Variants in ASTN1 observed in about 807,000 individuals in gnomAD.
ASTN1 encodes the protein astrotactin-1.
Under a neutral mutation model 140.7 loss-of-function variants are expected in ASTN1, and 41 were observed. That is an observed-to-expected ratio of 0.29 (90% confidence interval 0.23 to 0.38). The LOEUF (loss-of-function observed/expected upper bound fraction) is 0.38. ASTN1 is among the 10% of genes least tolerant of loss of function. The pLI is 1.00. For synonymous variants in ASTN1, 640 were observed against 652.2 expected (o/e 0.98, Z 0.29); for missense variants, 1,479 against 1,678.8 (o/e 0.88, Z 2.08).
chr1:177,064,463 A>G (rs1425772416), intron 1 of ASTN1, among the ~76,000 whole-genome samples: 1 of 152,208 alleles, frequency 6.6e-6, no homozygotes, highest in Non-Finnish European at 1.5e-5. Context: ...AAGGCTTTTC[A>G]TGAGGAAGAA....
intron 8 of ASTN1, among the ~76,000 whole-genome samples, chr1:177,011,077 C>T (rs971231647): frequency 1.3e-5 from 2 of 152,172 alleles, no homozygotes; most frequent in Non-Finnish European, 2.9e-5. Flanking sequence ...TTACCAGCCT[C>T]TTATCCTCTC....
chr1:177,161,099 C>G (rs566449902), intron 1 of ASTN1, among the ~76,000 whole-genome samples: 4 of 152,204 alleles, frequency 2.6e-5, no homozygotes, highest in Admixed American at 2.0e-4. Flanking sequence ...CTCCTGTTCT[C>G]TACTTGGAAT....
At position 176,949,213 on chromosome 1, in the gene ASTN1, T is replaced by G. The variant is rs774520193; in HGVS notation, c.2026A>C (p.Thr676Pro). The G allele has an allele frequency of 1.2e-6, 2 of 1,613,986 alleles. No homozygotes were observed. ...CAGAACATGAGGATGTTATACAAGG[T>G]GGGGTCGTCCGGGAAGGGCGCCATC... ...QQMAPFPDDPTLYNILMFCGC... is the reference protein window; with the variant it reads ...QQMAPFPDDPPLYNILMFCGC... The change falls in exon 12 of 23, where the codon ACC becomes CCC. Residue 676 changes from threonine to proline, a missense_variant. Around this residue, in one of 3 missense-constraint regions of ASTN1, gnomAD observed 746 missense variants for 800.9 expected, o/e 0.93. Transcript: ENST00000361833.
intron 16 of ASTN1, among the ~76,000 whole-genome samples, chr1:176,901,048 C>T (rs762551485): frequency 5.3e-5 from 8 of 152,162 alleles, no homozygotes; most frequent in Non-Finnish European, 7.3e-5. Flanking sequence ...ACTATATATT[C>T]TGCAGGTACA....
At chr1:176,874,301 C>A (rs1013707788) in intron 21 of ASTN1, among the ~76,000 whole-genome samples, 1 of 152,202 alleles carries the variant, frequency 6.6e-6, no homozygotes, top group African/African-American at 2.4e-5. Flanking sequence ...GAAAGTCATT[C>A]AGTCTATACC....
chr1:177,131,909 T>G (rs1326020322), intron 1 of ASTN1, among the ~76,000 whole-genome samples: 1 of 152,134 alleles, frequency 6.6e-6, no homozygotes, highest in Non-Finnish European at 1.5e-5. Context: ...ACAATCAGCT[T>G]CTGTGGGAAC....
chr1:176,980,123 TG>T (rs1377458644), intron 8 of ASTN1, among the ~76,000 whole-genome samples: 3 of 152,094 alleles, frequency 2.0e-5, no homozygotes, highest in Admixed American at 6.5e-5. Flanking sequence ...AGTGGCTGAC[TG>T]GGGGGCAAAG....
chr1:176,883,368 G>A (rs538950599), intron 19 of ASTN1, among the ~76,000 whole-genome samples: 1 of 152,118 alleles, frequency 6.6e-6, no homozygotes, highest in East Asian at 1.9e-4. Context: ...AAGTAGCTGA[G>A]ATTACAGGCA....
chr1:177,080,254 C>A (rs1558080766), intron 1 of ASTN1, among the ~76,000 whole-genome samples: 3 of 120,624 alleles, frequency 2.5e-5, no homozygotes, highest in Admixed American at 9.2e-5. Context: ...CCTATATCAC[C>A]AGGCCAAAAA....
At position 176,960,819 on chromosome 1, in the gene ASTN1, C is replaced by T. The variant is rs11810902; in HGVS notation, c.1599-2337G>A. Among the ~76,000 whole-genome samples the T allele has an allele frequency of 3.9e-3, 589 of 152,264 alleles. 3 individuals are homozygous for T. The highest frequency in any genetic ancestry group is 0.014 in the African/African-American group (561 of 41,542). On this transcript the variant is annotated intron_variant, in intron 9 of 22. Transcript: ENST00000361833. The stretch of plus-strand genomic sequence containing the variant: ...TCCTTCTTTCTGGATTTTCTTCCCT[C>T]TCTTCTTTGCCTGACTTCTAATCAT...
At chr1:176,985,845 T>TACACACACACAC (rs60769752) in intron 8 of ASTN1, among the ~76,000 whole-genome samples, 25 of 129,744 alleles carry the variant, frequency 1.9e-4, no homozygotes, top group South Asian at 8.2e-4. Flanking sequence ...TCTCTCTCTC[T>TACACACACACAC]ACACACACAC....
intron 11 of ASTN1, among the ~76,000 whole-genome samples, chr1:176,950,541 C>T (rs1456126590): frequency 6.6e-6 from 1 of 152,116 alleles, no homozygotes; most frequent in Non-Finnish European, 1.5e-5. Context: ...ACACCATTAA[C>T]ATTGCCAGTT....
At chr1:176,877,183 C>G (rs1668601983) in intron 20 of ASTN1, among the ~76,000 whole-genome samples, 1 of 152,178 alleles carries the variant, frequency 6.6e-6, no homozygotes, top group Admixed American at 6.5e-5. Context: ...TACTTGTAAG[C>G]CACTGTGAGA....
At chr1:176,933,260 C>T (rs1671284526) in intron 16 of ASTN1, among the ~76,000 whole-genome samples, 1 of 152,204 alleles carries the variant, frequency 6.6e-6, no homozygotes, top group African/African-American at 2.4e-5. Context: ...GACATACTTG[C>T]CCCTGTGGCA....
intron 20 of ASTN1, 125 bp from the exon 21 acceptor site, chr1:176,876,762 C>T: frequency 2.3e-6 from 2 of 882,280 alleles, no homozygotes; most frequent in South Asian, 3.4e-5. Context: ...CTCTCGTCAT[C>T]CTGGGTCACG....
At chr1:177,070,239 T>TG (rs1678570782) in intron 1 of ASTN1, among the ~76,000 whole-genome samples, 2 of 152,264 alleles carry the variant, frequency 1.3e-5, no homozygotes, top group South Asian at 2.1e-4. Flanking sequence ...GTCAAAACAC[T>TG]GGTCACAGGG....
intron 16 of ASTN1, among the ~76,000 whole-genome samples, chr1:176,912,726 T>C (rs1202734939): frequency 1.3e-5 from 2 of 152,130 alleles, no homozygotes. Flanking sequence ...CACAGGGGGA[T>C]GGTGGAATGA....
At chr1:177,145,794 A>G (rs1436378519) in intron 1 of ASTN1, among the ~76,000 whole-genome samples, 3 of 152,220 alleles carry the variant, frequency 2.0e-5, no homozygotes, top group African/African-American at 7.2e-5. Flanking sequence ...TGTAATAGAG[A>G]TATAAACCAA....
intron 22 of ASTN1, among the ~76,000 whole-genome samples, chr1:176,867,664 A>G (rs1329722205): frequency 1.3e-5 from 2 of 152,186 alleles, no homozygotes; most frequent in Non-Finnish European, 2.9e-5. Flanking sequence ...ACATAAAATC[A>G]TTTTATTTCA....
Sources: allele counts gnomAD v4.1 joint callset (sites outside exome capture counted in the v4.1 genomes callset), GRCh38; gene constraint gnomAD v4.1.1; regional missense constraint gnomAD v4.1.1; transcripts MANE v1.5; gene names NCBI Gene and HGNC (gene_info 2026-07-23, HGNC 2026-07-21).